Variants in CSNK1G3 observed in about 807,000 individuals in gnomAD.
CSNK1G3 encodes the protein casein kinase I isoform gamma-3.
Under a neutral mutation model 64.3 loss-of-function variants are expected in CSNK1G3, and 23 were observed. The ratio of observed to expected loss-of-function variants is 0.36; its 90% CI spans 0.26 to 0.51. The LOEUF is 0.51. CSNK1G3 is among the 20% of genes least tolerant of loss of function. The pLI is 0.96. For missense variants in CSNK1G3, 357 were observed against 510.5 expected (o/e 0.70, Z 2.90); for synonymous variants, 158 against 162.2 (o/e 0.97, Z 0.20).
chr5:123,535,494 A>G (rs527257916), intron 1 of CSNK1G3, among the ~76,000 whole-genome samples: 1 of 152,140 alleles, frequency 6.6e-6, no homozygotes, highest in Non-Finnish European at 1.5e-5. Context: ...GGAAAATACT[A>G]TAACATACTA....
chr5:123,546,642 G>C (rs1213669125), intron 2 of CSNK1G3, among the ~76,000 whole-genome samples: 1 of 151,860 alleles, frequency 6.6e-6, no homozygotes, highest in Non-Finnish European at 1.5e-5. Context: ...GAGGGCTCTG[G>C]TCAGTGGACC....
At chr5:123,575,988 G>A (rs1225405718) in intron 6 of CSNK1G3, 25 bp downstream of exon 6, 1 of 1,518,552 alleles carries the variant, frequency 6.6e-7, no homozygotes, top group Admixed American at 1.7e-5. Flanking sequence ...CGTAAGTATG[G>A]AAGTTTGAAC....
At chr5:123,543,000 C>G (rs759781319) in intron 1 of CSNK1G3, among the ~76,000 whole-genome samples, 2 of 151,018 alleles carry the variant, frequency 1.3e-5, no homozygotes, top group Non-Finnish European at 2.9e-5. Context: ...AAAGTCGTAT[C>G]TTCTAATTCA....
chr5:123,614,226 C>G lies in CSNK1G3; in HGVS notation c.1218-116C>G, dbSNP rs533710795. The G allele has an allele frequency of 5.9e-6, 5 of 853,094 alleles. No individual in the cohort carries two copies. The East Asian group carries it at 1.1e-4, about 19-fold the overall frequency. The allele number at this position is 853,094 out of a possible 1,614,324, so 52.8% of individuals were successfully genotyped here. A position where few individuals can be genotyped will look rare whatever the true frequency, so the allele number is the denominator to read the frequency against. Reference sequence around the variant, plus strand: ...TACGTATGCTTCATTGGTGTAATCACTGTTTATCTTGCACTAGCCTGTTGC... The same window carrying G: ...TACGTATGCTTCATTGGTGTAATCAGTGTTTATCTTGCACTAGCCTGTTGC... On this transcript the variant is annotated intron_variant, in intron 12 of 12. Coordinates refer to ENST00000345990, the Ensembl canonical transcript of CSNK1G3.
rs565809964 is a variant in CSNK1G3, at chr5:123,610,123, G to A, written c.1218-4219G>A. On this transcript the variant is annotated intron_variant, in intron 12 of 12. Coordinates refer to ENST00000345990, the Ensembl canonical transcript of CSNK1G3. Reference sequence around the variant, plus strand: ...GAGGAAGAAATTGGAGATGAAGATGGGCCTGCAGGCTTTTGGTTGGAGTAA... The same window carrying A: ...GAGGAAGAAATTGGAGATGAAGATGAGCCTGCAGGCTTTTGGTTGGAGTAA... Among the ~76,000 whole-genome samples, 8 of 152,156 alleles carry A rather than the reference G, an allele frequency of 5.3e-5. No individual in the cohort carries two copies. In the South Asian group the frequency reaches 1.7e-3, roughly 32 times the overall value.
At chr5:123,518,014 A>G (rs75074704) in intron 1 of CSNK1G3, among the ~76,000 whole-genome samples, 2,996 of 152,036 alleles carry the variant, frequency 0.02, 103 homozygotes, top group African/African-American at 0.069. Context: ...CAGGTGATCA[A>G]TCTATGGTTC....
At chr5:123,596,829 A>G (rs1793530221) in intron 10 of CSNK1G3, among the ~76,000 whole-genome samples, 1 of 152,128 alleles carries the variant, frequency 6.6e-6, no homozygotes, top group Non-Finnish European at 1.5e-5. Flanking sequence ...TGTATTTTGT[A>G]ATATTAACTG....
chr5:123,543,222 A>T (rs1781975355), intron 1 of CSNK1G3, among the ~76,000 whole-genome samples: 1 of 152,050 alleles, frequency 6.6e-6, no homozygotes, highest in Admixed American at 6.6e-5. Context: ...TCTGAATCCT[A>T]TCTAGGTTTA....
chr5:123,531,523 TAGC>T (rs913228931), intron 1 of CSNK1G3, among the ~76,000 whole-genome samples: 20 of 152,068 alleles, frequency 1.3e-4, no homozygotes, highest in African/African-American at 4.8e-4. Flanking sequence ...TTTCTGTATT[TAGC>T]AGCTCATTTT....
At chr5:123,562,597 G>T (rs143195211) in intron 4 of CSNK1G3, among the ~76,000 whole-genome samples, 1 of 151,784 alleles carries the variant, frequency 6.6e-6, no homozygotes, top group Admixed American at 6.6e-5. Context: ...CAAAATTGTC[G>T]TATTATTAAT....
chr5:123,605,175 A>G (rs1795139802), intron 11 of CSNK1G3, among the ~76,000 whole-genome samples, 164 bp from the exon 13 acceptor site: 1 of 152,112 alleles, frequency 6.6e-6, no homozygotes, highest in Non-Finnish European at 1.5e-5. Context: ...TATAAAATGC[A>G]TGTTTTAATA....
intron 1 of CSNK1G3, among the ~76,000 whole-genome samples, chr5:123,521,775 T>C (rs1580858059): frequency 6.6e-6 from 1 of 152,074 alleles, no homozygotes; most frequent in Admixed American, 6.6e-5. Flanking sequence ...TTTAACTAAA[T>C]AGATGAGAGG....
At chr5:123,613,173 G>C (rs1044117034) in intron 12 of CSNK1G3, among the ~76,000 whole-genome samples, 1 of 150,880 alleles carries the variant, frequency 6.6e-6, no homozygotes, top group Admixed American at 6.6e-5. Context: ...AGATAGATGT[G>C]TATTTAATTT....
chr5:123,600,662 G>GTAGTATAAC (rs1448508545), intron 10 of CSNK1G3, among the ~76,000 whole-genome samples: 1 of 151,522 alleles, frequency 6.6e-6, no homozygotes, highest in Non-Finnish European at 1.5e-5. Flanking sequence ...TAGGAAGACA[G>GTAGTATAAC]TAGTATAACT....
At chr5:123,559,255 A>G (rs1581124732) in intron 4 of CSNK1G3, among the ~76,000 whole-genome samples, 1 of 25,932 alleles carries the variant, frequency 3.9e-5, no homozygotes, top group Admixed American at 3.1e-4. Flanking sequence ...CACGGTGATG[A>G]AAAAAAAAAC....
chr5:123,542,174 G>A (rs1343717877), intron 1 of CSNK1G3, among the ~76,000 whole-genome samples: 1 of 151,892 alleles, frequency 6.6e-6, no homozygotes, highest in East Asian at 1.9e-4. Flanking sequence ...TATACATTGT[G>A]GAATAGCTAA....
chr5:123,527,291 C>T (rs114349955), intron 1 of CSNK1G3, among the ~76,000 whole-genome samples: 2,360 of 152,146 alleles, frequency 0.016, 58 homozygotes, highest in African/African-American at 0.054. Context: ...GCTTTTAAAA[C>T]CTTGTGTTCA....
At chr5:123,523,122 A>G (rs1375747544) in intron 1 of CSNK1G3, among the ~76,000 whole-genome samples, 1 of 145,172 alleles carries the variant, frequency 6.9e-6, no homozygotes, top group Non-Finnish European at 1.5e-5. Flanking sequence ...GGGACTTCAA[A>G]GATTATTTAG....
chr5:123,538,086 A>G (rs1781126917), intron 1 of CSNK1G3, among the ~76,000 whole-genome samples: 1 of 152,194 alleles, frequency 6.6e-6, no homozygotes. Flanking sequence ...GTTAATGCAC[A>G]TTTGGATTGT....
Sources: allele counts gnomAD v4.1 joint callset (sites outside exome capture counted in the v4.1 genomes callset), GRCh38; gene constraint gnomAD v4.1.1; transcripts MANE v1.5; gene names NCBI Gene and HGNC (gene_info 2026-07-23, HGNC 2026-07-21).